Variants in AR observed in about 807,000 individuals in gnomAD.
The protein encoded by AR is dihydrotestosterone receptor.
A neutral mutation model predicts 53.9 loss-of-function variants in AR; 8 were observed. The ratio of observed to expected loss-of-function variants is 0.15; its 90% confidence interval spans 0.09 to 0.27. The LOEUF (loss-of-function observed/expected upper bound fraction) is 0.27, where lower values mean the gene tolerates loss of function less well. Among genes scored for constraint, AR ranks in the 10% least tolerant of loss-of-function variants. AR has a pLI of 1.00. For missense variants in AR, 639 were observed against 742.5 expected (o/e 0.86, Z 1.62); for synonymous variants, 359 against 316.4 (o/e 1.13, Z -1.43).
intron 2 of AR, among the ~76,000 whole-genome samples, chrX:67,663,172 G>A (rs748568547): frequency 9.0e-6 from 1 of 111,567 alleles, no homozygotes; most frequent in Admixed American, 9.6e-5. Context: ...TCATTATGAT[G>A]TTAGCTGGTT....
intron 1 of AR, among the ~76,000 whole-genome samples, chrX:67,562,087 A>G (rs776017468): frequency 6.0e-3 from 646 of 107,203 alleles, no homozygotes; most frequent in Non-Finnish European, 8.6e-3. Flanking sequence ...TTACAGGTGT[A>G]TACCACCACT....
At chrX:67,650,112 A>G (rs753923818) in intron 2 of AR, among the ~76,000 whole-genome samples, 1 of 112,134 alleles carries the variant, frequency 8.9e-6, no homozygotes, top group South Asian at 3.7e-4. Context: ...AACAATCAAT[A>G]TCGTGAAAAT....
chrX:67,705,341 C>A lies in AR; in HGVS notation c.1886-6061C>A, dbSNP rs747251966. Reference sequence around the variant, plus strand: ...TTTCATTGAGCAGTGGTTTGTAGTTCTCCTTGAAGAGGTCCTTCACGTCCC... The same window carrying A: ...TTTCATTGAGCAGTGGTTTGTAGTTATCCTTGAAGAGGTCCTTCACGTCCC... On this transcript the variant is annotated intron_variant, in intron 3 of 7. Coordinates refer to ENST00000374690, the MANE Select transcript of AR (RefSeq NM_000044.6). Among the ~76,000 whole-genome samples, 24 of 111,250 alleles carry A rather than the reference C, an allele frequency of 2.2e-4. No individual in the cohort carries two copies. In the South Asian group the frequency reaches 8.5e-3, roughly 39 times the overall value.
intron 1 of AR, among the ~76,000 whole-genome samples, chrX:67,582,482 A>C (rs952659238): frequency 1.8e-5 from 2 of 111,917 alleles, no homozygotes; most frequent in African/African-American, 6.5e-5. Flanking sequence ...CTTTAGCAAA[A>C]GGAAGCTTGT....
In AR at chrX:67,723,943, T is replaced by G; in HGVS notation, c.*102T>G. The G allele has an allele frequency of 9.5e-7, 1 of 1,050,846 alleles. No homozygotes were observed. The highest frequency in any genetic ancestry group is 1.3e-6 in the Non-Finnish European group (1 of 760,915). 86.6% of individuals were successfully genotyped at this position (1,050,846 alleles called of 1,213,427 possible). A position where few individuals can be genotyped will look rare whatever the true frequency, so the allele number is the denominator to read the frequency against. ...ACTCCTCTGCAGTGCCTTGGGGAAT[T>G]TCCTCTATTGATGTACAGTCTGTCA... is the stretch of plus-strand genomic sequence containing the variant. On this transcript the variant is annotated 3_prime_UTR_variant, in exon 8 of 8. Coordinates refer to ENST00000374690, the MANE Select transcript of AR (RefSeq NM_000044.6).
In AR at chrX:67,545,676, G is replaced by T; in HGVS notation, c.530G>T (p.Cys177Phe). ...CCCACTTTCCCCGGCTTAAGCAGCT[G>T]CTCCGCTGACCTTAAAGACATCCTG... is the stretch of plus-strand genomic sequence containing the variant. ...LGPTFPGLSSCSADLKDILSE... is the reference protein window; with the variant it reads ...LGPTFPGLSSFSADLKDILSE... Residue 177 changes from cysteine to phenylalanine, a missense_variant, in exon 1 of 8, where the codon TGC becomes TTC. Cys to Phe is a radical substitution (Grantham distance 205). Coordinates refer to ENST00000374690, the MANE Select transcript of AR (RefSeq NM_000044.6). 1 of 1,203,831 alleles carries T rather than the reference G, an allele frequency of 8.3e-7. No individual in the cohort carries two copies. The highest frequency in any genetic ancestry group is 1.8e-5 in the South Asian group (1 of 55,629).
chrX:67,545,416 G>T lies in AR; in HGVS notation c.270G>T (p.Gln90His), dbSNP rs759401811. ...CTAGCCCCAGGCAGCAGCAGCAGCAGCAGGGTGAGGATGGTTCTCCCCAAG... is the reference window on the plus strand; with the variant it reads ...CTAGCCCCAGGCAGCAGCAGCAGCATCAGGGTGAGGATGGTTCTCCCCAAG... ...QETSPRQQQQQQGEDGSPQAH... is the reference protein window; with the variant it reads ...QETSPRQQQQHQGEDGSPQAH... Residue 90 changes from glutamine to histidine, a missense_variant, in exon 1 of 8, where the codon CAG becomes CAT. Physicochemically the swap from Gln to His is conservative, Grantham distance 24 (BLOSUM62 0). This residue lies in a region of AR where 55 missense variants were observed against 84.8 expected (regional missense o/e 0.65). Coordinates refer to ENST00000374690, the MANE Select transcript of AR (RefSeq NM_000044.6). 9 of 1,197,444 alleles carry T rather than the reference G, an allele frequency of 7.5e-6. No homozygotes were observed. The East Asian group carries it at 2.7e-4, about 36-fold the overall frequency.
At chrX:67,555,578 T>C (rs1460275130) in intron 1 of AR, among the ~76,000 whole-genome samples, 7 of 112,468 alleles carry the variant, frequency 6.2e-5, no homozygotes, top group Admixed American at 5.6e-4. Context: ...AGAGTTGTTT[T>C]CCTGCCTTCT....
chrX:67,643,738 GA>G (rs1340157929), intron 2 of AR, among the ~76,000 whole-genome samples: 1 of 111,885 alleles, frequency 8.9e-6, no homozygotes, highest in Non-Finnish European at 1.9e-5. Context: ...GCTAGTAAAG[GA>G]AAAATTTGTC....
intron 1 of AR, among the ~76,000 whole-genome samples, chrX:67,597,112 G>A (rs964166945): frequency 8.9e-6 from 1 of 111,909 alleles, no homozygotes; most frequent in Non-Finnish European, 1.9e-5. Context: ...CTCTTGAGCA[G>A]GAGTCAAAAA....
At chrX:67,558,836 T>C (rs1257464288) in intron 1 of AR, among the ~76,000 whole-genome samples, 1 of 112,270 alleles carries the variant, frequency 8.9e-6, no homozygotes, top group Admixed American at 9.5e-5. Flanking sequence ...CATGTATTAA[T>C]TCATTTAATC....
intron 1 of AR, among the ~76,000 whole-genome samples, chrX:67,633,416 C>A (rs971162875): frequency 1.1e-4 from 12 of 111,839 alleles, no homozygotes; most frequent in African/African-American, 3.9e-4. Context: ...CTTTAGTTTG[C>A]TTAGGATACT....
intron 2 of AR, among the ~76,000 whole-genome samples, chrX:67,658,111 C>G (rs931140633): frequency 8.0e-5 from 9 of 112,054 alleles, no homozygotes; most frequent in African/African-American, 2.9e-4. Flanking sequence ...CAGCCATAAT[C>G]AAGAAATAGT....
At chrX:67,625,899 AT>A (rs1325717120) in intron 1 of AR, among the ~76,000 whole-genome samples, 2 of 110,718 alleles carry the variant, frequency 1.8e-5, no homozygotes, top group African/African-American at 3.3e-5. Flanking sequence ...GAGAAAAAAA[AT>A]TTTTTTAAAA....
chrX:67,654,645 A>T (rs1412287595), intron 2 of AR, among the ~76,000 whole-genome samples: 3 of 108,256 alleles, frequency 2.8e-5, no homozygotes, highest in Non-Finnish European at 5.7e-5. Context: ...TGTCCAGGAG[A>T]AAAGCTAGCA....
chrX:67,559,927 C>T lies in AR; in HGVS notation c.1616+13165C>T, dbSNP rs913925260. 3.6e-5 allele frequency among the ~76,000 whole-genome samples: 4 copies of T among 111,858 alleles called. No homozygotes were observed. The Admixed American group carries it at 3.8e-4, about 11-fold the overall frequency. ...AGTTAGCAAATGTGTAGTCTGTTTG[C>T]AATTGTTCATCTGAAAAATTTGTTT... On this transcript the variant is annotated intron_variant, in intron 1 of 7. Coordinates refer to ENST00000374690, the MANE Select transcript of AR (RefSeq NM_000044.6).
chrX:67,556,390 T>C (rs1921054231), intron 1 of AR, among the ~76,000 whole-genome samples: 1 of 111,953 alleles, frequency 8.9e-6, no homozygotes, highest in Admixed American at 9.5e-5. Flanking sequence ...TAGAAATTTA[T>C]GAATTTCTTA....
At chrX:67,630,232 G>A (rs1262427711) in intron 1 of AR, among the ~76,000 whole-genome samples, 1 of 111,119 alleles carries the variant, frequency 9.0e-6, no homozygotes, top group Non-Finnish European at 1.9e-5. Flanking sequence ...AATGTTGACA[G>A]TGGGGTGTTA....
rs770386953 is a variant in AR, at chrX:67,707,996, T to G, written c.1886-3406T>G. Among the ~76,000 whole-genome samples, 3 of 112,488 alleles carry G rather than the reference T, an allele frequency of 2.7e-5. No individual in the cohort carries two copies. The South Asian group carries it at 1.1e-3, about 41-fold the overall frequency. On this transcript the variant is annotated intron_variant, in intron 3 of 7. Transcript: ENST00000374690. ...CCCACTCTCTTCTGGCTTGTAGAGT[T>G]TCTGCCAAGAAATCCACTGTTAGTC...
Sources: gnomAD v4.1 joint callset for allele counts (sites outside exome capture counted in the v4.1 genomes callset) on GRCh38, gnomAD v4.1.1 for gene constraint, gnomAD v4.1.1 regional missense constraint, MANE v1.5 for transcripts, NCBI Gene and HGNC (gene_info 2026-07-23, HGNC 2026-07-21) for gene names.